Variants in AATK observed in about 807,000 individuals in gnomAD.
AATK encodes the protein lemur tail kinase 1, also known as serine/threonine-protein kinase LMTK1.
A neutral mutation model predicts 114.3 loss-of-function variants in AATK; 91 were observed. The observed-to-expected ratio is 0.80, with a 90% CI of 0.67 to 0.95. The LOEUF (loss-of-function observed/expected upper bound fraction) is 0.95. AATK is among the 40% of genes least tolerant of loss of function. AATK has a pLI of 0.00. For missense variants in AATK, 2,176 were observed against 1,965.2 expected, an observed-to-expected ratio of 1.11 and a Z score of -2.03; for synonymous variants, 1,075 against 916.5, an observed-to-expected ratio of 1.17 and a Z score of -3.12.
At chr17:81,165,539 C>T (rs1382459621) in intron 1 of AATK, 4 of 907,902 alleles carry the variant, frequency 4.4e-6, no homozygotes, top group East Asian at 5.4e-5. Flanking sequence ...AAGCCTCCCA[C>T]GCCAGGGCCC....
rs536926666 is a variant in AATK at position 81,151,527 on chromosome 17, C to A, written c.55+14411G>T. ...CGACCCAGTTCTTCAGAGGCCCGGC[C>A]TCCCCCATCTGGCTGGTCACTTGGG... On this transcript the variant is annotated intron_variant, in intron 1 of 13. Coordinates refer to ENST00000326724, the MANE Select transcript of AATK (RefSeq NM_001080395.3). 3.3e-5 allele frequency among the ~76,000 whole-genome samples: 5 copies of A among 152,248 alleles called. No homozygotes were observed. The South Asian group carries it at 8.3e-4, about 25-fold the overall frequency.
At chr17:81,138,794 CAA>C (rs2061073971) in intron 1 of AATK, among the ~76,000 whole-genome samples, 3 of 20,960 alleles carry the variant, frequency 1.4e-4, no homozygotes, top group African/African-American at 9.4e-5. Context: ...CATGTGCACA[CAA>C]TACCCACTTG....
chr17:81,119,736 C>A (rs1369449721), intron 12 of AATK, among the ~76,000 whole-genome samples, 156 bp from the exon 13 acceptor site: 1 of 149,760 alleles, frequency 6.7e-6, no homozygotes, highest in South Asian at 2.1e-4. Context: ...GCCTCCCATG[C>A]AGCACGGACA....
chr17:81,118,677 G>C (rs764326064), intron 13 of AATK, among the ~76,000 whole-genome samples: 1 of 152,250 alleles, frequency 6.6e-6, no homozygotes, highest in African/African-American at 2.4e-5. Context: ...TAAGGAAACT[G>C]AGGCCTGAAC....
chr17:81,132,627 TG>T, intron 2 of AATK: 1 of 271,474 alleles, frequency 3.7e-6, no homozygotes, highest in Non-Finnish European at 7.7e-6. Flanking sequence ...TGTCTCTCCC[TG>T]GGGTCGGGCC....
chr17:81,123,302 G>A lies in AATK; in HGVS notation c.1004C>T (p.Thr335Met), dbSNP rs1416630748. 15 of 1,399,138 alleles carry A rather than the reference G, an allele frequency of 1.1e-5. No homozygotes were observed. The highest frequency in any genetic ancestry group is 6.1e-5 in the East Asian group (2 of 32,928). 86.7% of individuals were successfully genotyped at this position (1,399,138 alleles called of 1,614,324 possible). Residue 335 changes from threonine to methionine, a missense_variant, in exon 10 of 14, where the codon ACG becomes ATG. This residue lies in a region of AATK where 273 missense variants were observed against 344.1 expected (regional missense o/e 0.79). Transcript: ENST00000326724. Reference sequence around the variant, plus strand: ...GTCCGAGTGCTGGGGATAGGGCTGCGTGCCCAGCTCAAAGAGCTCCCAGAT... The same window carrying A: ...GTCCGAGTGCTGGGGATAGGGCTGCATGCCCAGCTCAAAGAGCTCCCAGAT... ...VTIWELFELG[T>M]QPYPQHSDQQ...
chr17:81,127,755 C>G (rs1361524885), intron 5 of AATK, 37 bp downstream of exon 5: 2 of 1,504,848 alleles, frequency 1.3e-6, no homozygotes, highest in East Asian at 4.9e-5. Context: ...AGGAGGGGGC[C>G]GCACAGCACA....
At chr17:81,137,257 T>TAA (rs57760563) in intron 1 of AATK, among the ~76,000 whole-genome samples, 6,510 of 132,844 alleles carry the variant, frequency 0.049, 165 homozygotes, top group African/African-American at 0.076. Flanking sequence ...GACTCCGCCT[T>TAA]AAAAAAAAAA....
At position 81,123,320 on chromosome 17, in the gene AATK, TC is replaced by T; in HGVS notation, c.985del (p.Glu329SerfsTer37). The part of the protein sequence containing the change: ...NVWSLGVTIW[E>X]LFELGTQPYP... The stretch of plus-strand genomic sequence containing the variant: ...GGGCTGCGTGCCCAGCTCAAAGAGC[TC>T]CCAGATGGTCACGCCCAGGGACCTG... On this transcript the variant is annotated frameshift_variant, in exon 10 of 14. Transcript: ENST00000326724. LOFTEE classifies it high-confidence loss of function. 1.4e-6 allele frequency: 2 copies of T among 1,383,300 alleles called. No individual in the cohort carries two copies. Among genetic ancestry groups the T allele is most frequent in the South Asian group, 1.7e-5 (1 of 60,158 alleles). 85.7% of individuals were successfully genotyped at this position (1,383,300 alleles called of 1,614,324 possible).
chr17:81,156,726 A>T (rs1004530050), intron 1 of AATK, among the ~76,000 whole-genome samples: 4 of 151,988 alleles, frequency 2.6e-5, no homozygotes, highest in African/African-American at 7.3e-5. Context: ...CTTTTAAATC[A>T]TTTTTTTCCT....
chr17:81,126,066 T>G lies in AATK; in HGVS notation c.755+361A>C. On this transcript the variant is annotated intron_variant, in intron 7 of 13. Transcript: ENST00000326724. The surrounding 1 kb of genome is among the most constrained non-coding windows in gnomAD (Gnocchi z 5.1). ...TCCTGGCCCAAGCAGGACAGAACCC[T>G]CCCTCCAGGGTCCTTCGAAGCAGGG... 2.1e-6 allele frequency: 1 copy of G among 483,908 alleles called. No homozygotes were observed. Among genetic ancestry groups the G allele is most frequent in the African/African-American group, 2.0e-5 (1 of 50,350 alleles). The allele number at this position is 483,908 out of a possible 1,614,324, so 30.0% of individuals were successfully genotyped here. A position where few individuals can be genotyped will look rare whatever the true frequency, so the allele number is the denominator to read the frequency against.
rs759582715 is a variant in AATK at position 81,154,647 on chromosome 17, T to G, written c.55+11291A>C. 4.5e-4 allele frequency among the ~76,000 whole-genome samples: 64 copies of G among 140,970 alleles called. 4 individuals carry two copies. Among genetic ancestry groups the G allele is most frequent in the Non-Finnish European group, 8.5e-4 (57 of 66,782 alleles). The allele number at this position is 140,970 out of a possible 152,430, so 92.5% of individuals were successfully genotyped here. ...CCTACTATTTTATTTACTTATTTTT[T>G]GAGTCAGAGTCTCGCTCTGTCGCCC... On this transcript the variant is annotated intron_variant, in intron 1 of 13. Transcript: ENST00000326724.
At chr17:81,124,059 C>T (rs2060748210) in intron 9 of AATK, among the ~76,000 whole-genome samples, 1 of 152,126 alleles carries the variant, frequency 6.6e-6, no homozygotes, top group Admixed American at 6.5e-5. Flanking sequence ...CATGATGGGG[C>T]AGTCAAGTGG....
chr17:81,151,267 C>T (rs1211062610), intron 1 of AATK, among the ~76,000 whole-genome samples: 3 of 68,522 alleles, frequency 4.4e-5, no homozygotes, highest in African/African-American at 1.9e-4. Context: ...CTGCACAGAA[C>T]CCAGGCCCAG....
intron 1 of AATK, chr17:81,160,388 G>A (rs1001139047): frequency 2.1e-5 from 6 of 279,826 alleles, no homozygotes; most frequent in African/African-American, 6.9e-5. Flanking sequence ...GAGACCCGGC[G>A]AGGACGCCGC....
intron 1 of AATK, among the ~76,000 whole-genome samples, chr17:81,151,917 C>T (rs1433273844): frequency 1.3e-5 from 2 of 152,180 alleles, no homozygotes; most frequent in Admixed American, 1.3e-4. Context: ...AATCTCCCCA[C>T]CAAATTATTC....
At position 81,124,709 on chromosome 17, in the gene AATK, C is replaced by T; in HGVS notation, c.962+18G>A. On this transcript the variant is annotated intron_variant, in intron 9 of 13. Coordinates refer to ENST00000326724, the MANE Select transcript of AATK (RefSeq NM_001080395.3). ...ACTCGGCCTCGGCCCCTCACGGTGCCACCAGGGCCGCACTCACCACACATT... is the reference window on the plus strand; with the variant it reads ...ACTCGGCCTCGGCCCCTCACGGTGCTACCAGGGCCGCACTCACCACACATT... 6.2e-7 allele frequency: 1 copy of T among 1,610,352 alleles called. No homozygotes were observed. The highest frequency in any genetic ancestry group is 8.5e-7 in the Non-Finnish European group (1 of 1,178,004).
intron 1 of AATK, among the ~76,000 whole-genome samples, chr17:81,144,274 C>T (rs1008648389): frequency 1.1e-4 from 17 of 152,246 alleles, no homozygotes; most frequent in African/African-American, 4.1e-4. Flanking sequence ...ACAAATGGAT[C>T]AGGATCAGCA....
At chr17:81,125,823 TG>T in intron 7 of AATK, 1 of 276,374 alleles carries the variant, frequency 3.6e-6, no homozygotes, top group Non-Finnish European at 7.4e-6. Flanking sequence ...TGGGGTGGGT[TG>T]GGGTTGGGGG....
Sources: allele counts gnomAD v4.1 joint callset (sites outside exome capture counted in the v4.1 genomes callset), GRCh38; gene constraint gnomAD v4.1.1; regional missense constraint gnomAD v4.1.1; non-coding constraint Gnocchi (gnomAD v3.1); transcripts MANE v1.5; gene names NCBI Gene and HGNC (gene_info 2026-07-23, HGNC 2026-07-21).